Variants in DDX1 observed in about 807,000 individuals in gnomAD.
The protein encoded by DDX1 is ATP-dependent RNA helicase DDX1.
Under a neutral mutation model 108.7 loss-of-function variants are expected in DDX1, and 28 were observed. The observed-to-expected ratio is 0.26, with a 90% CI of 0.19 to 0.35. DDX1 has a LOEUF of 0.35. Ranked by LOEUF, DDX1 falls within the 10% of genes least tolerant of loss-of-function variation. The pLI, the probability that DDX1 is intolerant of heterozygous loss-of-function variation, is 1.00. For synonymous variants in DDX1, 295 were observed against 288.9 expected, an observed-to-expected ratio of 1.02 and a Z score of -0.21; for missense variants, 710 against 884.5, an observed-to-expected ratio of 0.80 and a Z score of 2.50.
chr2:15,618,505 A>C (rs900447287), intron 16 of DDX1, among the ~76,000 whole-genome samples: 7 of 152,178 alleles, frequency 4.6e-5, no homozygotes, highest in Non-Finnish European at 1.0e-4. Context: ...TGAGGCGTGT[A>C]TGAGCGAACG....
intron 13 of DDX1, 28 bp downstream of exon 13, chr2:15,607,341 T>G: frequency 6.2e-7 from 1 of 1,605,950 alleles, no homozygotes; most frequent in African/African-American, 1.3e-5. Context: ...GCTGAAATGC[T>G]TATTGTCTTT....
intron 16 of DDX1, among the ~76,000 whole-genome samples, chr2:15,618,669 T>C (rs1665940488): frequency 6.6e-6 from 1 of 152,236 alleles, no homozygotes; most frequent in African/African-American, 2.4e-5. Flanking sequence ...CACCGGGGAC[T>C]AGCCCCCTTC....
In DDX1 at chr2:15,630,111, G is replaced by A; in HGVS notation, c.2092+1G>A. The stretch of plus-strand genomic sequence containing the variant: ...TACGGTCAGAAAAGGGCTGCTGGTG[G>A]TAAGCTTTGAATTATTTTAAATACA... On this transcript the variant is annotated splice_donor_variant, in intron 25 of 25. Coordinates refer to ENST00000233084, the MANE Select transcript of DDX1 (RefSeq NM_004939.3). LOFTEE classifies it high-confidence loss of function. 6.2e-7 allele frequency: 1 copy of A among 1,612,348 alleles called. No homozygotes were observed. Among genetic ancestry groups the A allele is most frequent in the Non-Finnish European group, 8.5e-7 (1 of 1,179,468 alleles).
chr2:15,610,816 C>A (rs752886092), intron 13 of DDX1, among the ~76,000 whole-genome samples: 2 of 140,010 alleles, frequency 1.4e-5, no homozygotes, highest in Non-Finnish European at 3.0e-5. Flanking sequence ...GCAATAGATA[C>A]AGCTACGGGG....
In DDX1 at chr2:15,607,329, G is replaced by A. The variant is rs538827882; in HGVS notation, c.956+16G>A. On this transcript the variant is annotated intron_variant, in intron 13 of 25. Transcript: ENST00000233084. ...CTAAATTAAGGTAAATCTTCCTTTT[G>A]TGCTGAAATGCTTATTGTCTTTTGG... 19 of 1,610,276 alleles carry A rather than the reference G, an allele frequency of 1.2e-5. No individual in the cohort carries two copies. The East Asian group carries it at 3.8e-4, about 32-fold the overall frequency.
intron 13 of DDX1, among the ~76,000 whole-genome samples, chr2:15,612,127 CGGGCGGGGGGCT>C (rs1665779115): frequency 6.8e-6 from 1 of 146,676 alleles, no homozygotes; most frequent in Admixed American, 6.7e-5. Flanking sequence ...GGCGGCTGGC[CGGGCGGGGGGCT>C]GACCCCCCCC....
At chr2:15,594,569 G>C (rs2148735906) in intron 1 of DDX1, among the ~76,000 whole-genome samples, 1 of 152,312 alleles carries the variant, frequency 6.6e-6, no homozygotes. Context: ...ATTTCCAGGT[G>C]CCCACGTTTT....
chr2:15,630,969 G>T lies in DDX1; in HGVS notation c.*63G>T. The T allele has an allele frequency of 6.6e-7, 1 of 1,510,208 alleles. No homozygotes were observed. Among genetic ancestry groups the T allele is most frequent in the Admixed American group, 1.7e-5 (1 of 57,480 alleles). 93.6% of individuals were successfully genotyped at this position (1,510,208 alleles called of 1,614,324 possible). On this transcript the variant is annotated 3_prime_UTR_variant, in exon 26 of 26. Transcript: ENST00000233084. ...TCTGTAGTCTTAAAACTCTAAAACA[G>T]TTGTACTGCTTCCAAGCAGCAGTAT...
intron 14 of DDX1, among the ~76,000 whole-genome samples, chr2:15,614,559 C>T (rs955941392): frequency 1.3e-5 from 2 of 152,162 alleles, no homozygotes; most frequent in African/African-American, 4.8e-5. Context: ...ATCGCGAGGG[C>T]TTTGTCCTCA....
At chr2:15,609,202 A>C (rs1665716407) in intron 13 of DDX1, among the ~76,000 whole-genome samples, 1 of 152,214 alleles carries the variant, frequency 6.6e-6, no homozygotes, top group Non-Finnish European at 1.5e-5. Context: ...TGCTAGTGTG[A>C]ATTGATTTTT....
At chr2:15,603,011 C>T (rs1241994974) in intron 7 of DDX1, among the ~76,000 whole-genome samples, 181 bp from the exon 8 acceptor site, 1 of 152,100 alleles carries the variant, frequency 6.6e-6, no homozygotes, top group Non-Finnish European at 1.5e-5. Flanking sequence ...ATGCCTGGCC[C>T]ATGAGTTTTT....
intron 13 of DDX1, among the ~76,000 whole-genome samples, chr2:15,607,965 G>T (rs1665691479): frequency 6.6e-6 from 1 of 152,082 alleles, no homozygotes; most frequent in South Asian, 2.1e-4. Flanking sequence ...ACTTGGCGAG[G>T]TTTATTCTAG....
intron 1 of DDX1, among the ~76,000 whole-genome samples, chr2:15,592,570 A>G (rs1054867122): frequency 1.3e-5 from 2 of 152,314 alleles, no homozygotes; most frequent in Non-Finnish European, 2.9e-5. Context: ...TGGAAAATTC[A>G]TATTTATTTG....
At position 15,616,098 on chromosome 2, in the gene DDX1, A is replaced by G. The variant is rs367644825; in HGVS notation, c.1018-1146A>G. Among the ~76,000 whole-genome samples, 15 of 151,868 alleles carry G rather than the reference A, an allele frequency of 9.9e-5. No individual in the cohort carries two copies. In the East Asian group the frequency reaches 2.1e-3, roughly 22 times the overall value. On this transcript the variant is annotated intron_variant, in intron 14 of 25. Transcript: ENST00000233084. ...TGTGTGTGTGTGTGTATTTTAGTAGAGACGGGGTTTCACCATTTTGCCCAG... is the reference window on the plus strand; with the variant it reads ...TGTGTGTGTGTGTGTATTTTAGTAGGGACGGGGTTTCACCATTTTGCCCAG...
intron 13 of DDX1, 75 bp downstream of exon 13, chr2:15,607,388 A>G (rs564082203): frequency 1.1e-5 from 15 of 1,375,510 alleles, no homozygotes; most frequent in Non-Finnish European, 1.5e-5. Flanking sequence ...TAAGGTAGAG[A>G]AAAATGAAGT....
intron 19 of DDX1, among the ~76,000 whole-genome samples, chr2:15,625,236 T>C (rs1361103753): frequency 6.6e-6 from 1 of 151,766 alleles, no homozygotes; most frequent in Non-Finnish European, 1.5e-5. Flanking sequence ...TCTATTTATA[T>C]GACATTTTTA....
At chr2:15,595,342 C>CT (rs1558449962) in intron 2 of DDX1, 146 bp downstream of exon 2, 7 of 925,298 alleles carry the variant, frequency 7.6e-6, no homozygotes, top group South Asian at 5.4e-5. Flanking sequence ...GGAAAGTTTC[C>CT]TTTTTTTAAC....
rs1665982297 is a variant in DDX1 at position 15,620,364 on chromosome 2, C to A, written c.1363C>A (p.Leu455Ile). 1.2e-6 allele frequency: 2 copies of A among 1,613,736 alleles called. No individual in the cohort carries two copies. Among genetic ancestry groups the A allele is most frequent in the Non-Finnish European group, 1.7e-6 (2 of 1,179,904 alleles). Residue 455 changes from leucine to isoleucine, a missense_variant, in exon 17 of 26, where the codon CTC (leucine) becomes ATC (isoleucine). By Grantham distance (5) the Leu-to-Ile change is conservative. Around this residue, in one of 3 missense-constraint regions of DDX1, gnomAD observed 661 missense variants for 810.2 expected, o/e 0.82. Coordinates refer to ENST00000233084, the MANE Select transcript of DDX1 (RefSeq NM_004939.3). ...VVPVNPKTDR[L>I]WERLGKSHIR... ...CCCAGTAAATCCCAAAACTGACAGA[C>A]TCTGGGAAAGGCTTGGAAAGAGCCA...
At position 15,603,900 on chromosome 2, in the gene DDX1, T is replaced by C. The variant is rs368104792; in HGVS notation, c.552+10T>C. The C allele has an allele frequency of 3.5e-5, 55 of 1,587,586 alleles. No individual in the cohort carries two copies. Among genetic ancestry groups the C allele is most frequent in the Middle Eastern group, 1.7e-4 (1 of 6,030 alleles). ...TGATAATTATGGAGAGGTAAGCGAT[T>C]ATGTTATGACTTCAACATAGCATAA... On this transcript the variant is annotated intron_variant, in intron 9 of 25. Transcript: ENST00000233084.
Sources: allele counts gnomAD v4.1 joint callset (sites outside exome capture counted in the v4.1 genomes callset), GRCh38; gene constraint gnomAD v4.1.1; regional missense constraint gnomAD v4.1.1; transcripts MANE v1.5; gene names NCBI Gene and HGNC (gene_info 2026-07-23, HGNC 2026-07-21).